Variants in CHRM3 observed in about 807,000 individuals in gnomAD.
CHRM3 encodes the protein cholinergic receptor muscarinic 3, also known as muscarinic acetylcholine receptor M3.
In CHRM3, 11 loss-of-function variants were observed where a neutral mutation model predicts 41.8. The observed-to-expected ratio is 0.26, with a 90% CI of 0.17 to 0.44. The LOEUF is 0.44. CHRM3 is among the 20% of genes least tolerant of loss of function. The pLI is 1.00. For synonymous variants in CHRM3, 297 were observed against 301.4 expected (o/e 0.99, Z 0.15); for missense variants, 571 against 745.4 (o/e 0.77, Z 2.72).
intron 1 of CHRM3, among the ~76,000 whole-genome samples, chr1:239,404,416 A>AAGAAAGAAAGAAAGAAAG (rs1558195818): frequency 1.3e-5 from 1 of 78,478 alleles, no homozygotes; most frequent in African/African-American, 5.5e-5. Context: ...AAGAAAAAGA[A>AAGAAAGAAAGAAAGAAAG]AGAAAGAAAG....
At chr1:239,650,531 G>A (rs1672137635) in intron 4 of CHRM3, among the ~76,000 whole-genome samples, 1 of 152,196 alleles carries the variant, frequency 6.6e-6, no homozygotes, top group Admixed American at 6.5e-5. Context: ...AACTTTCTAA[G>A]GAAGATTGGG....
chr1:239,390,809 A>ATCTCCATTT (rs1330604880), intron 1 of CHRM3, among the ~76,000 whole-genome samples: 1 of 152,016 alleles, frequency 6.6e-6, no homozygotes, highest in East Asian at 1.9e-4. Flanking sequence ...GACAGTATAG[A>ATCTCCATTT]TCTCCATTAG....
intron 1 of CHRM3, among the ~76,000 whole-genome samples, chr1:239,437,025 T>A (rs1663325498): frequency 6.6e-6 from 1 of 152,086 alleles, no homozygotes; most frequent in Non-Finnish European, 1.5e-5. Context: ...ACACAGGAAC[T>A]CTTAAAAAAA....
chr1:239,883,872 A>T (rs999407486), intron 6 of CHRM3, among the ~76,000 whole-genome samples: 1 of 152,194 alleles, frequency 6.6e-6, no homozygotes, highest in Non-Finnish European at 1.5e-5. Context: ...TAATCTCTTG[A>T]TCTTCTTTTG....
At chr1:239,608,810 A>T (rs757409824) in intron 3 of CHRM3, among the ~76,000 whole-genome samples, 1 of 152,222 alleles carries the variant, frequency 6.6e-6, no homozygotes, top group Non-Finnish European at 1.5e-5. Context: ...GAAGAATTTT[A>T]ACTTCACAAA....
At chr1:239,733,111 C>T (rs1664100792) in intron 5 of CHRM3, among the ~76,000 whole-genome samples, 1 of 152,040 alleles carries the variant, frequency 6.6e-6, no homozygotes, top group Non-Finnish European at 1.5e-5. Context: ...GATGTTACGG[C>T]ACATTATCCT....
chr1:239,481,532 G>A (rs1666854124), intron 1 of CHRM3, among the ~76,000 whole-genome samples: 1 of 152,124 alleles, frequency 6.6e-6, no homozygotes, highest in Non-Finnish European at 1.5e-5. Context: ...CATATTTTAT[G>A]TTTTTCTTTT....
chr1:239,704,855 A>C (rs768323494), intron 5 of CHRM3: 3 of 152,190 alleles, frequency 2.0e-5, no homozygotes, highest in Non-Finnish European at 4.4e-5. Context: ...GCTAAATGAT[A>C]ATCATAAATT....
chr1:239,907,575 G>C lies in CHRM3; in HGVS notation c.124G>C (p.Val42Leu). 6.2e-7 allele frequency: 1 copy of C among 1,614,148 alleles called. No individual in the cohort carries two copies. The highest frequency in any genetic ancestry group is 8.5e-7 in the Non-Finnish European group (1 of 1,180,046). Residue 42 changes from valine (V) to leucine (L), a missense_variant, in exon 7 of 7, where the codon GTT becomes CTT. Val to Leu is a conservative substitution (Grantham distance 32). This residue lies in a region of CHRM3 where 92 missense variants were observed against 76.1 expected (regional missense o/e 1.21). Coordinates refer to ENST00000676153, the MANE Select transcript of CHRM3 (RefSeq NM_001375978.1). The surrounding 1 kb of genome is among the most constrained non-coding windows in gnomAD (Gnocchi z 5.4). ...GTVTHFGSYNVSRAAGNFSSP... is the reference protein window; with the variant it reads ...GTVTHFGSYNLSRAAGNFSSP... ...CGTCACTCATTTCGGCAGCTACAATGTTTCTCGAGCAGCTGGCAATTTCTC... is the reference window on the plus strand; with the variant it reads ...CGTCACTCATTTCGGCAGCTACAATCTTTCTCGAGCAGCTGGCAATTTCTC...
intron 5 of CHRM3, among the ~76,000 whole-genome samples, chr1:239,765,143 ATTGT>A (rs1045685431): frequency 2.6e-5 from 4 of 152,164 alleles, no homozygotes; most frequent in Admixed American, 2.0e-4. Flanking sequence ...CCTTAACCAG[ATTGT>A]TTGAGATGGC....
In CHRM3 at chr1:239,632,924, CTCA is replaced by C. The variant is rs1280050752; in HGVS notation, c.-250+639_-250+641del. Among the ~76,000 whole-genome samples the C allele has an allele frequency of 2.6e-5, 4 of 152,286 alleles. No individual in the cohort carries two copies. The East Asian group carries it at 7.7e-4, about 29-fold the overall frequency. On this transcript the variant is annotated intron_variant, in intron 4 of 6. Coordinates refer to ENST00000676153, the MANE Select transcript of CHRM3 (RefSeq NM_001375978.1). ...CACAGTTCTACATGGCCGGGAAGGCCTCAGGAAACTTATAATCATGACAGAAGG... is the reference window on the plus strand; with the variant it reads ...CACAGTTCTACATGGCCGGGAAGGCCGGAAACTTATAATCATGACAGAAGG...
At chr1:239,599,431 T>G (rs1178543481) in intron 3 of CHRM3, among the ~76,000 whole-genome samples, 1 of 65,146 alleles carries the variant, frequency 1.5e-5, no homozygotes, top group Non-Finnish European at 4.7e-5. Context: ...GTTTACTGTT[T>G]TTTTTTTTTT....
chr1:239,816,190 A>G (rs1214116955), intron 5 of CHRM3, among the ~76,000 whole-genome samples: 1 of 152,172 alleles, frequency 6.6e-6, no homozygotes, highest in East Asian at 1.9e-4. Context: ...AGAAGCATCC[A>G]GAATGCAGAG....
At chr1:239,516,059 C>T (rs1288842083) in intron 2 of CHRM3, among the ~76,000 whole-genome samples, 1 of 152,116 alleles carries the variant, frequency 6.6e-6, no homozygotes, top group Admixed American at 6.5e-5. Flanking sequence ...GTCTCTTTCT[C>T]GCTCTCTCTC....
rs1201916113 is a variant in CHRM3 at position 239,827,280 on chromosome 1, A to G, written c.-118A>G. 1 of 152,186 alleles carries G rather than the reference A, an allele frequency of 6.6e-6. No homozygotes were observed. Among genetic ancestry groups the G allele is most frequent in the East Asian group, 1.9e-4 (1 of 5,196 alleles). The allele number at this position is 152,186 out of a possible 1,614,324, so 9.4% of individuals were successfully genotyped here. On this transcript the variant is annotated 5_prime_UTR_variant, in exon 6 of 7. Coordinates refer to ENST00000676153, the MANE Select transcript of CHRM3 (RefSeq NM_001375978.1). ...GAGCTGGTCTCTTGGGCAGCCTGAC[A>G]TCTGGTCCACTCCTCTGTCCTATGC... is the stretch of plus-strand genomic sequence containing the variant.
chr1:239,909,983 C>T lies in CHRM3; in HGVS notation c.*759C>T, dbSNP rs1272486753. On this transcript the variant is annotated 3_prime_UTR_variant, in exon 7 of 7. Transcript: ENST00000676153. ...CTCTAGGATCCTAATGCAACATTAA[C>T]GTGAAATAAGCCCAGTGTAATGTTT... 1 of 166,980 alleles carries T rather than the reference C, an allele frequency of 6.0e-6. No homozygotes were observed. The highest frequency in any genetic ancestry group is 1.5e-5 in the Non-Finnish European group (1 of 68,098). 10.3% of individuals were successfully genotyped at this position (166,980 alleles called of 1,614,324 possible).
At chr1:239,590,785 T>G (rs1390275488) in intron 3 of CHRM3, among the ~76,000 whole-genome samples, 1 of 151,990 alleles carries the variant, frequency 6.6e-6, no homozygotes, top group Admixed American at 6.6e-5. Flanking sequence ...AGAGATTAAA[T>G]ATAACAGGAA....
chr1:239,523,032 A>G (rs1262054086), intron 2 of CHRM3, among the ~76,000 whole-genome samples: 1 of 152,162 alleles, frequency 6.6e-6, no homozygotes, highest in Admixed American at 6.5e-5. Context: ...AGGGGAGCAT[A>G]GAATTTAGCC....
intron 6 of CHRM3, among the ~76,000 whole-genome samples, chr1:239,905,944 C>T (rs1049668622): frequency 6.6e-6 from 1 of 152,160 alleles, no homozygotes; most frequent in African/African-American, 2.4e-5. Context: ...TATGTTAAAA[C>T]ATTTTGATGA....
Sources: gnomAD v4.1 joint callset for allele counts (sites outside exome capture counted in the v4.1 genomes callset) on GRCh38, gnomAD v4.1.1 for gene constraint, gnomAD v4.1.1 regional missense constraint, Gnocchi (gnomAD v3.1) non-coding constraint, MANE v1.5 for transcripts, NCBI Gene and HGNC (gene_info 2026-07-23, HGNC 2026-07-21) for gene names.